Variants in GATC observed in about 807,000 individuals in gnomAD.
GATC encodes the protein glutamyl-tRNA(Gln) amidotransferase subunit C, mitochondrial.
Under a neutral mutation model 14.4 loss-of-function variants are expected in GATC, and 11 were observed. The ratio of observed to expected loss-of-function variants is 0.77; its 90% CI spans 0.48 to 1.27. GATC has a LOEUF of 1.27. Ranked by LOEUF, GATC falls within the 50% of genes most tolerant of loss-of-function variation. The probability of loss-of-function intolerance (pLI) is 0.00; values close to 1 mark genes in which losing one functional copy is unlikely to be tolerated. For synonymous variants in GATC, 76 were observed against 79.3 expected, an observed-to-expected ratio of 0.96 and a Z score of 0.22; for missense variants, 204 against 183.0, an observed-to-expected ratio of 1.11 and a Z score of -0.66.
At chr12:120,455,025 T>C in intron 2 of GATC, 1 of 449,370 alleles carries the variant, frequency 2.2e-6, no homozygotes, top group Non-Finnish European at 4.5e-6. Flanking sequence ...GTAGCTGGGA[T>C]TACAGGTATG....
intron 2 of GATC, among the ~76,000 whole-genome samples, chr12:120,451,153 A>AAAAAAG: frequency 6.7e-6 from 1 of 148,692 alleles, no homozygotes; most frequent in East Asian, 2.0e-4. Flanking sequence ...CAAAAAAAAA[A>AAAAAAG]AAAAAAAGGT....
intron 2 of GATC, among the ~76,000 whole-genome samples, chr12:120,454,661 C>T (rs1484784384): frequency 9.9e-5 from 15 of 151,904 alleles, no homozygotes; most frequent in Admixed American, 2.6e-4. Context: ...GTGATCTGCC[C>T]GCCTCAGTCT....
chr12:120,449,148 G>A (rs965705754), intron 2 of GATC, among the ~76,000 whole-genome samples: 5 of 151,556 alleles, frequency 3.3e-5, no homozygotes, highest in Non-Finnish European at 7.4e-5. Flanking sequence ...ATTTTTAGTA[G>A]AGATGAGGTT....
chr12:120,460,166 T>G lies in GATC; in HGVS notation c.*207T>G, dbSNP rs1273723293. ...AGTGAGTTCCTGATGCTAACTGAGG[T>G]GAAAGAAAAGCAAAAGTCAGCTTCC... On this transcript the variant is annotated 3_prime_UTR_variant, in exon 4 of 4. Transcript: ENST00000551765. The G allele has an allele frequency of 2.0e-6, 1 of 493,094 alleles. No individual in the cohort carries two copies. Among genetic ancestry groups the G allele is most frequent in the Non-Finnish European group, 3.8e-6 (1 of 266,132 alleles). The allele number at this position is 493,094 out of a possible 1,614,324, so 30.5% of individuals were successfully genotyped here.
intron 2 of GATC, among the ~76,000 whole-genome samples, chr12:120,447,193 A>G (rs1877899511): frequency 6.6e-6 from 1 of 150,882 alleles, no homozygotes; most frequent in Non-Finnish European, 1.5e-5. Flanking sequence ...TCTCTGCCTC[A>G]GCCTCCCGAG....
intron 3 of GATC, among the ~76,000 whole-genome samples, chr12:120,459,117 C>A (rs1878260974): frequency 6.6e-6 from 1 of 152,106 alleles, no homozygotes; most frequent in African/African-American, 2.4e-5. Context: ...CTTCGGCCTC[C>A]CAGAGTGCTG....
chr12:120,455,114 C>G (rs1878147651), intron 2 of GATC: 1 of 260,084 alleles, frequency 3.8e-6, no homozygotes, highest in Admixed American at 3.6e-5. Context: ...AACTCCTGAC[C>G]TCAGGTGATC....
intron 2 of GATC, among the ~76,000 whole-genome samples, chr12:120,448,960 CTT>C (rs370203860): frequency 1.9e-4 from 27 of 140,030 alleles, no homozygotes; most frequent in Admixed American, 3.6e-4. Flanking sequence ...TACTTAGGTT[CTT>C]TTTTTTTTTT....
In GATC at chr12:120,446,813, TC is replaced by T; in HGVS notation, c.239del (p.Ser80TrpfsTer10). 1.2e-6 allele frequency: 2 copies of T among 1,612,448 alleles called. No individual in the cohort carries two copies. Among genetic ancestry groups the T allele is most frequent in the Non-Finnish European group, 1.7e-6 (2 of 1,179,156 alleles). On this transcript the variant is annotated frameshift_variant, in exon 2 of 4. Coordinates refer to ENST00000551765, the MANE Select transcript of GATC (RefSeq NM_176818.3). LOFTEE classifies it high-confidence loss of function. ...CACAGACGGGGTGGAGCCCATGGAA[TC>T]GGTCCTGGAGGACAGGTAAACTCGC... ...VDTDGVEPME[S>X]VLEDRCLYLR...
In GATC at chr12:120,461,401, C is replaced by T. The variant is rs1878335136; in HGVS notation, c.*1442C>T. On this transcript the variant is annotated 3_prime_UTR_variant, in exon 4 of 4. Coordinates refer to ENST00000551765, the MANE Select transcript of GATC (RefSeq NM_176818.3). ...CAAAAGCCACCGTGTGTTTATTTTT[C>T]CCATTCCCTTCCTTTATCTGCAATG... 6.6e-6 allele frequency: 1 copy of T among 152,146 alleles called. No individual in the cohort carries two copies. Among genetic ancestry groups the T allele is most frequent in the Admixed American group, 6.6e-5 (1 of 15,266 alleles). 9.4% of individuals were successfully genotyped at this position (152,146 alleles called of 1,614,324 possible).
intron 2 of GATC, among the ~76,000 whole-genome samples, chr12:120,453,058 G>A (rs1456951182): frequency 6.6e-6 from 1 of 152,130 alleles, no homozygotes; most frequent in Admixed American, 6.6e-5. Flanking sequence ...AAATAAAGTA[G>A]GAGGAAGGGA....
rs1450903089 is a variant in GATC at position 120,451,857 on chromosome 12, TAATA to T, written c.254+5032_254+5035del. Among the ~76,000 whole-genome samples, 3 of 148,828 alleles carry T rather than the reference TAATA, an allele frequency of 2.0e-5. 1 individual carries two copies. The highest frequency in any genetic ancestry group is 4.5e-5 in the Non-Finnish European group (3 of 67,372). The stretch of plus-strand genomic sequence containing the variant: ...AACAGTATGCTTACATGCCAGGGGC[TAATA>T]AATTATATAAATTCTTTTTTTTTTT... On this transcript the variant is annotated intron_variant, in intron 2 of 3. Coordinates refer to ENST00000551765, the MANE Select transcript of GATC (RefSeq NM_176818.3).
At chr12:120,454,695 A>G (rs1262006360) in intron 2 of GATC, among the ~76,000 whole-genome samples, 8 of 151,458 alleles carry the variant, frequency 5.3e-5, no homozygotes, top group African/African-American at 1.7e-4. Context: ...GATCACAGGC[A>G]TGAGGCACCG....
intron 2 of GATC, among the ~76,000 whole-genome samples, chr12:120,452,445 T>A (rs1675735103): frequency 6.6e-6 from 1 of 152,052 alleles, no homozygotes; most frequent in Non-Finnish European, 1.5e-5. Flanking sequence ...TACTTAAATG[T>A]CCCTCATAGT....
Position 120,459,979 on chromosome 12 carries a change from G to A in GATC, c.*20G>A. 6.3e-7 allele frequency: 1 copy of A among 1,595,676 alleles called. No homozygotes were observed. Among genetic ancestry groups the A allele is most frequent in the Non-Finnish European group, 8.6e-7 (1 of 1,164,174 alleles). On this transcript the variant is annotated 3_prime_UTR_variant, in exon 4 of 4. Coordinates refer to ENST00000551765, the MANE Select transcript of GATC (RefSeq NM_176818.3). ...AGCTGAGTAGCTCATTCTGGAAAGGGGGTACTCTGTGAACATGTGGAAGCA... is the reference window on the plus strand; with the variant it reads ...AGCTGAGTAGCTCATTCTGGAAAGGAGGTACTCTGTGAACATGTGGAAGCA...
At chr12:120,447,576 G>C (rs549580063) in intron 2 of GATC, among the ~76,000 whole-genome samples, 1 of 151,964 alleles carries the variant, frequency 6.6e-6, no homozygotes, top group Non-Finnish European at 1.5e-5. Context: ...ACAGGTCTCA[G>C]CTTATCTTCT....
At chr12:120,454,544 C>T (rs893639279) in intron 2 of GATC, among the ~76,000 whole-genome samples, 5 of 151,494 alleles carry the variant, frequency 3.3e-5, no homozygotes, top group African/African-American at 4.8e-5. Context: ...CTCAGCCTCT[C>T]GCTACAGGCC....
At position 120,462,691 on chromosome 12, in the gene GATC, C is replaced by T. The variant is rs997276715; in HGVS notation, c.*2732C>T. ...GGTGCTATTATGTGACCATTTTGCCCATGAAGGAATCGAGGTCCCAAGAGT... is the reference window on the plus strand; with the variant it reads ...GGTGCTATTATGTGACCATTTTGCCTATGAAGGAATCGAGGTCCCAAGAGT... On this transcript the variant is annotated 3_prime_UTR_variant, in exon 4 of 4. Coordinates refer to ENST00000551765, the MANE Select transcript of GATC (RefSeq NM_176818.3). 6.6e-6 allele frequency: 1 copy of T among 152,262 alleles called. No individual in the cohort carries two copies. The highest frequency in any genetic ancestry group is 1.5e-5 in the Non-Finnish European group (1 of 68,116). 9.4% of individuals were successfully genotyped at this position (152,262 alleles called of 1,614,324 possible).
intron 2 of GATC, among the ~76,000 whole-genome samples, chr12:120,452,260 G>C (rs189638238): frequency 6.5e-4 from 99 of 152,254 alleles, no homozygotes; most frequent in Admixed American, 5.9e-3. Flanking sequence ...CTGAGGTTCA[G>C]AAAGGTTATA....
Sources: gnomAD v4.1 joint callset for allele counts (sites outside exome capture counted in the v4.1 genomes callset) on GRCh38, gnomAD v4.1.1 for gene constraint, MANE v1.5 for transcripts, NCBI Gene and HGNC (gene_info 2026-07-23, HGNC 2026-07-21) for gene names.